Variants in TCF7L1 observed in about 807,000 individuals in gnomAD.
TCF7L1 encodes the protein transcription factor 7-like 1.
Under a neutral mutation model 63.7 loss-of-function variants are expected in TCF7L1, and 18 were observed. The observed-to-expected ratio is 0.28, with a 90% CI of 0.20 to 0.42. TCF7L1 has a LOEUF of 0.42. TCF7L1 is among the 10% of genes least tolerant of loss of function. The pLI, the probability that TCF7L1 is intolerant of heterozygous loss-of-function variation, is 1.00. For missense variants in TCF7L1, 654 were observed against 779.3 expected, an observed-to-expected ratio of 0.84 and a Z score of 1.91; for synonymous variants, 355 against 340.9, an observed-to-expected ratio of 1.04 and a Z score of -0.46.
intron 3 of TCF7L1, among the ~76,000 whole-genome samples, chr2:85,163,340 C>G (rs368683444): frequency 2.3e-4 from 35 of 152,146 alleles, no homozygotes; most frequent in African/African-American, 8.4e-4. Context: ...AGGTATTGGC[C>G]CCCCTCCCCC....
chr2:85,175,574 G>C (rs543381788), intron 3 of TCF7L1, among the ~76,000 whole-genome samples: 12 of 152,328 alleles, frequency 7.9e-5, no homozygotes, highest in African/African-American at 2.9e-4. Context: ...GGTACACCCT[G>C]TTCTTTGTCC....
chr2:85,220,441 T>C (rs557691532), intron 3 of TCF7L1, among the ~76,000 whole-genome samples: 2 of 151,546 alleles, frequency 1.3e-5, no homozygotes. Context: ...CAATGTCAGC[T>C]CACTGCAACC....
intron 3 of TCF7L1, among the ~76,000 whole-genome samples, chr2:85,228,084 G>A (rs971822320): frequency 6.6e-6 from 1 of 151,788 alleles, no homozygotes; most frequent in African/African-American, 2.4e-5. Flanking sequence ...CCTTGAGTAG[G>A]TCCTAGCAGT....
chr2:85,229,845 A>C (rs185598610), intron 3 of TCF7L1, among the ~76,000 whole-genome samples: 2 of 152,072 alleles, frequency 1.3e-5, no homozygotes, highest in Admixed American at 1.3e-4. Flanking sequence ...TGTCTCTACT[A>C]AAAATACAAA....
intron 3 of TCF7L1, among the ~76,000 whole-genome samples, chr2:85,206,583 G>A (rs1679415053): frequency 1.3e-5 from 2 of 152,256 alleles, no homozygotes; most frequent in South Asian, 4.1e-4. Flanking sequence ...GCATGTGGCC[G>A]ACACTATATT....
chr2:85,155,354 T>G (rs1678120401), intron 3 of TCF7L1, among the ~76,000 whole-genome samples: 1 of 152,226 alleles, frequency 6.6e-6, no homozygotes, highest in Non-Finnish European at 1.5e-5. Flanking sequence ...AGCAACGCTC[T>G]GTGGAAGCTT....
At chr2:85,136,709 G>C (rs148756126) in intron 3 of TCF7L1, among the ~76,000 whole-genome samples, 345 of 152,266 alleles carry the variant, frequency 2.3e-3, no homozygotes, top group African/African-American at 7.9e-3. Context: ...GTTAGTTCAC[G>C]GATATACTGG....
intron 3 of TCF7L1, among the ~76,000 whole-genome samples, chr2:85,238,872 T>C (rs908250646): frequency 2.6e-5 from 4 of 151,650 alleles, no homozygotes; most frequent in African/African-American, 9.7e-5. Flanking sequence ...CAGACTGGAG[T>C]GTCGTGGCGC....
chr2:85,145,343 A>G (rs1677854654), intron 3 of TCF7L1, among the ~76,000 whole-genome samples: 1 of 152,178 alleles, frequency 6.6e-6, no homozygotes, highest in African/African-American at 2.4e-5. Context: ...GAAAGGTGTA[A>G]GTTTGAGAGA....
At chr2:85,280,156 C>T (rs1275837367) in intron 3 of TCF7L1, among the ~76,000 whole-genome samples, 1 of 152,106 alleles carries the variant, frequency 6.6e-6, no homozygotes, top group Non-Finnish European at 1.5e-5. Context: ...TTCTCAGTTG[C>T]GGGAGGGAAG....
chr2:85,237,596 G>C (rs999556400), intron 3 of TCF7L1, among the ~76,000 whole-genome samples: 15 of 152,042 alleles, frequency 9.9e-5, no homozygotes, highest in African/African-American at 3.6e-4. Flanking sequence ...GATTGGGTTG[G>C]GGGCAGTGTT....
rs1029991334 is a variant in TCF7L1, at chr2:85,291,635, A to G, written c.525+8057A>G. On this transcript the variant is annotated intron_variant, in intron 4 of 11. Coordinates refer to ENST00000282111, the MANE Select transcript of TCF7L1 (RefSeq NM_031283.3). ...CTCTTGTCACCCAAGCAGGAGTGCAATGGCACATGATCTCAGCTCACTGCA... is the reference window on the plus strand; with the variant it reads ...CTCTTGTCACCCAAGCAGGAGTGCAGTGGCACATGATCTCAGCTCACTGCA... Among the ~76,000 whole-genome samples, 9 of 152,226 alleles carry G rather than the reference A, an allele frequency of 5.9e-5. No homozygotes were observed. In the South Asian group the frequency reaches 1.2e-3, roughly 21 times the overall value.
chr2:85,179,589 A>AG (rs1160545572), intron 3 of TCF7L1, among the ~76,000 whole-genome samples: 4 of 152,170 alleles, frequency 2.6e-5, no homozygotes, highest in Non-Finnish European at 5.9e-5. Flanking sequence ...GTTTCAGTCA[A>AG]GGGGCTCTGG....
chr2:85,297,951 T>TTTTTA (rs1393282984), intron 4 of TCF7L1, among the ~76,000 whole-genome samples: 1 of 151,472 alleles, frequency 6.6e-6, no homozygotes, highest in African/African-American at 2.4e-5. Context: ...TATCTAATAT[T>TTTTTA]TTTTATTTTA....
intron 3 of TCF7L1, among the ~76,000 whole-genome samples, chr2:85,259,597 G>A (rs1431009553): frequency 6.6e-6 from 1 of 152,220 alleles, no homozygotes; most frequent in East Asian, 1.9e-4. Context: ...TGTGTCTCAA[G>A]GGGTAAAGAG....
chr2:85,222,364 CAAAA>C lies in TCF7L1; in HGVS notation c.442-61123_442-61120del, dbSNP rs1217020917. ...TCAAAAAAAAAAACAAACAAACAAA[CAAAA>C]AAAAAAACACTAAAGGCTTGGCCAG... On this transcript the variant is annotated intron_variant, in intron 3 of 11. Coordinates refer to ENST00000282111, the MANE Select transcript of TCF7L1 (RefSeq NM_031283.3). Among the ~76,000 whole-genome samples, 71 of 105,992 alleles carry C rather than the reference CAAAA, an allele frequency of 6.7e-4. 1 individual carries two copies. The highest frequency in any genetic ancestry group is 2.2e-3 in the African/African-American group (69 of 31,246). 69.5% of individuals were successfully genotyped at this position (105,992 alleles called of 152,430 possible).
At chr2:85,153,948 C>T (rs540533181) in intron 3 of TCF7L1, among the ~76,000 whole-genome samples, 1 of 152,328 alleles carries the variant, frequency 6.6e-6, no homozygotes, top group East Asian at 1.9e-4. Flanking sequence ...TCATTGTTCA[C>T]TTCGGGTATC....
intron 3 of TCF7L1, among the ~76,000 whole-genome samples, chr2:85,195,542 T>C (rs1679135480): frequency 6.6e-6 from 1 of 152,116 alleles, no homozygotes; most frequent in Admixed American, 6.6e-5. Flanking sequence ...CTTTCCTTTC[T>C]TTTTTTCCTT....
intron 3 of TCF7L1, among the ~76,000 whole-genome samples, chr2:85,257,513 C>T (rs1165657784): frequency 6.6e-6 from 1 of 152,188 alleles, no homozygotes; most frequent in Non-Finnish European, 1.5e-5. Context: ...TGCCACTTTG[C>T]TCATGGGATT....
Sources: gnomAD v4.1 joint callset for allele counts (sites outside exome capture counted in the v4.1 genomes callset) on GRCh38, gnomAD v4.1.1 for gene constraint, MANE v1.5 for transcripts, NCBI Gene and HGNC (gene_info 2026-07-23, HGNC 2026-07-21) for gene names.